The following IQCK variants were observed in gnomAD, a reference collection of about 807,000 sequenced individuals.
The protein encoded by IQCK is IQ motif containing K.
A neutral mutation model predicts 28.1 loss-of-function variants in IQCK; 29 were observed. The observed-to-expected ratio is 1.03, with a 90% CI of 0.77 to 1.41. IQCK has a LOEUF of 1.41. IQCK is among the 40% of genes most tolerant of loss of function. IQCK has a pLI of 0.00. For synonymous variants in IQCK, 113 were observed against 115.1 expected (o/e 0.98, Z 0.12); for missense variants, 359 against 314.7 (o/e 1.14, Z -1.07).
intron 1 of IQCK, among the ~76,000 whole-genome samples, chr16:19,728,413 C>A (rs561633501): frequency 5.8e-4 from 89 of 152,192 alleles, no homozygotes; most frequent in African/African-American, 2.1e-3. Flanking sequence ...CCACGCCCAG[C>A]TAATTTTTGT....
chr16:19,740,260 A>G (rs1218184747), intron 4 of IQCK, among the ~76,000 whole-genome samples: 1 of 152,102 alleles, frequency 6.6e-6, no homozygotes, highest in East Asian at 1.9e-4. Context: ...CTTGTCCACT[A>G]CTCATAACTG....
downstream of IQCK, among the ~76,000 whole-genome samples, chr16:19,829,126 A>G (rs1200403751): frequency 6.6e-6 from 1 of 151,084 alleles, no homozygotes; most frequent in Non-Finnish European, 1.5e-5. Context: ...AATCTTTTAG[A>G]TAAGCATATA....
chr16:19,740,920 A>T (rs2054823886), intron 4 of IQCK, among the ~76,000 whole-genome samples: 1 of 151,496 alleles, frequency 6.6e-6, no homozygotes, highest in African/African-American at 2.4e-5. Flanking sequence ...GTGAGCCAAG[A>T]TCGTGCCACT....
At chr16:19,768,419 C>T (rs977293622) in intron 6 of IQCK, among the ~76,000 whole-genome samples, 1 of 152,112 alleles carries the variant, frequency 6.6e-6, no homozygotes, top group Non-Finnish European at 1.5e-5. Context: ...GAATTAAGAG[C>T]CTGAGCTTTT....
downstream of IQCK, among the ~76,000 whole-genome samples, chr16:19,829,010 A>G (rs2056193832): frequency 6.9e-6 from 1 of 144,108 alleles, no homozygotes; most frequent in South Asian, 2.1e-4. Flanking sequence ...ATAAATATAT[A>G]TTATATATAT....
At chr16:19,846,360 C>T (rs947868221) in intron 9 of IQCK, among the ~76,000 whole-genome samples, 1 of 152,158 alleles carries the variant, frequency 6.6e-6, no homozygotes, top group Non-Finnish European at 1.5e-5. Flanking sequence ...CTTCCTTCCC[C>T]TGTCAATACC....
At chr16:19,775,090 G>A (rs2055371749) in intron 6 of IQCK, among the ~76,000 whole-genome samples, 1 of 151,996 alleles carries the variant, frequency 6.6e-6, no homozygotes, top group African/African-American at 2.4e-5. Context: ...AGCCAGGCGT[G>A]GTGGTGTGTG....
chr16:19,849,056 G>A (rs1278603492), intron 9 of IQCK, among the ~76,000 whole-genome samples: 1 of 151,826 alleles, frequency 6.6e-6, no homozygotes, highest in African/African-American at 2.4e-5. Context: ...CATCCTTCCT[G>A]CCTTTCTCCC....
chr16:19,827,531 G>T (rs921274981), downstream of IQCK, among the ~76,000 whole-genome samples: 2 of 152,132 alleles, frequency 1.3e-5, no homozygotes, highest in Non-Finnish European at 2.9e-5. Context: ...CTCCCCTTTT[G>T]CGATGGCTAA....
intron 7 of IQCK, among the ~76,000 whole-genome samples, chr16:19,812,378 A>G (rs928947263): frequency 6.6e-6 from 1 of 152,218 alleles, no homozygotes; most frequent in Non-Finnish European, 1.5e-5. Context: ...TCTAATGACC[A>G]CTCAAGAGCG....
intron 7 of IQCK, among the ~76,000 whole-genome samples, chr16:19,818,693 G>A (rs999850798): frequency 4.6e-5 from 7 of 151,804 alleles, no homozygotes; most frequent in African/African-American, 2.4e-5. Context: ...GTGCTCAGCC[G>A]TTTTTTATAT....
At chr16:19,823,179 C>A (rs1395171002) in intron 7 of IQCK, among the ~76,000 whole-genome samples, 4 of 152,008 alleles carry the variant, frequency 2.6e-5, no homozygotes, top group African/African-American at 9.7e-5. Flanking sequence ...TGGTAGGAAG[C>A]CCAGGGACCA....
chr16:19,726,800 C>T (rs1183352070), intron 1 of IQCK, among the ~76,000 whole-genome samples: 2 of 152,088 alleles, frequency 1.3e-5, no homozygotes, highest in Non-Finnish European at 2.9e-5. Flanking sequence ...GACAACAGAT[C>T]CAGGCACTTC....
intron 4 of IQCK, among the ~76,000 whole-genome samples, chr16:19,748,273 C>A (rs2054940202): frequency 6.6e-6 from 1 of 151,874 alleles, no homozygotes; most frequent in African/African-American, 2.4e-5. Flanking sequence ...CAGGGTTTCA[C>A]CATGTTGGCC....
intron 1 of IQCK, among the ~76,000 whole-genome samples, chr16:19,730,195 A>T (rs1304153749): frequency 6.6e-6 from 1 of 152,096 alleles, no homozygotes. Context: ...ACCTCAGGTG[A>T]TCCTCCTGCC....
chr16:19,839,639 G>A (rs1014731871), intron 9 of IQCK, among the ~76,000 whole-genome samples: 1 of 152,108 alleles, frequency 6.6e-6, no homozygotes, highest in South Asian at 2.1e-4. Context: ...TTGAATGAAT[G>A]GATCTGTGTT....
At chr16:19,770,495 C>T (rs772370217) in intron 6 of IQCK, among the ~76,000 whole-genome samples, 1 of 152,100 alleles carries the variant, frequency 6.6e-6, no homozygotes, top group African/African-American at 2.4e-5. Context: ...GAAAATGTTT[C>T]CCTGCCTTTT....
At chr16:19,847,778 T>C (rs755401831) in intron 9 of IQCK, among the ~76,000 whole-genome samples, 13 of 152,232 alleles carry the variant, frequency 8.5e-5, no homozygotes, top group Non-Finnish European at 1.8e-4. Flanking sequence ...TTGGCTATTA[T>C]GAAAAATGCT....
chr16:19,807,312 A>G (rs941365570), intron 7 of IQCK, among the ~76,000 whole-genome samples: 2 of 152,194 alleles, frequency 1.3e-5, no homozygotes, highest in African/African-American at 4.8e-5. Context: ...AGCTGCTCCT[A>G]TGTTCCTAAT....
Sources: gnomAD v4.1 joint callset for allele counts (sites outside exome capture counted in the v4.1 genomes callset) on GRCh38, gnomAD v4.1.1 for gene constraint, MANE v1.5 for transcripts, NCBI Gene and HGNC (gene_info 2026-07-23, HGNC 2026-07-21) for gene names.